ZNF831: variants seen among roughly 807,000 people sequenced by gnomAD.
The protein encoded by ZNF831 is chromosome 20 open reading frame 174.
A neutral mutation model predicts 95.8 loss-of-function variants in ZNF831; 59 were observed. That is an observed-to-expected ratio of 0.62 (90% CI 0.50 to 0.77). The LOEUF (loss-of-function observed/expected upper bound fraction) is 0.77, where lower values mean the gene tolerates loss of function less well. ZNF831 is among the 30% of genes least tolerant of loss of function. ZNF831 has a pLI of 0.00. For synonymous variants in ZNF831, 961 were observed against 925.5 expected (o/e 1.04, Z -0.70); for missense variants, 2,205 against 2,164.0 (o/e 1.02, Z -0.38).
At chr20:59,152,257 CA>C (rs1197398774) in intron 2 of ZNF831, among the ~76,000 whole-genome samples, 3 of 152,158 alleles carry the variant, frequency 2.0e-5, no homozygotes, top group Non-Finnish European at 4.4e-5. Context: ...CAATGTAAGA[CA>C]GGCATAAATT....
At chr20:59,173,180 A>G (rs988229047) in intron 1 of ZNF831, among the ~76,000 whole-genome samples, 1 of 152,180 alleles carries the variant, frequency 6.6e-6, no homozygotes, top group East Asian at 1.9e-4. Flanking sequence ...CAGTTTCTCT[A>G]GGTCCAACAA....
In ZNF831 at chr20:59,191,960, C is replaced by G. The variant is rs1261490865; in HGVS notation, c.941C>G (p.Ala314Gly). 2 of 1,607,396 alleles carry G rather than the reference C, an allele frequency of 1.2e-6. No individual in the cohort carries two copies. Among genetic ancestry groups the G allele is most frequent in the Non-Finnish European group, 1.7e-6 (2 of 1,177,640 alleles). Reference protein sequence around the residue: ...QKSPTAGKPCALQRQQATAAE... With the variant: ...QKSPTAGKPCGLQRQQATAAE... ...TCGCCGACCGCCGGGAAGCCGTGCG[C>G]CCTGCAGCGGCAGCAGGCGACGGCA... is the stretch of plus-strand genomic sequence containing the variant. Residue 314 changes from alanine to glycine, a missense_variant, in exon 2 of 6, where the codon GCC becomes GGC. Transcript: ENST00000371030.
intron 4 of ZNF831, among the ~76,000 whole-genome samples, chr20:59,222,398 G>A (rs1986141576): frequency 6.6e-6 from 1 of 152,112 alleles, no homozygotes; most frequent in South Asian, 2.1e-4. Context: ...GGATGCTTCT[G>A]GAAGAACACA....
chr20:59,150,730 C>A (rs1406544071), intron 2 of ZNF831, among the ~76,000 whole-genome samples: 1 of 152,206 alleles, frequency 6.6e-6, no homozygotes, highest in Admixed American at 6.5e-5. Context: ...GGGCAAGGAG[C>A]TCTCCTTGAG....
intron 2 of ZNF831, 157 bp from the exon 3 acceptor site, chr20:59,195,712 G>A (rs1254843822): frequency 1.0e-6 from 1 of 963,212 alleles, no homozygotes; most frequent in African/African-American, 1.8e-5. Context: ...GCCGTTGCCT[G>A]GTTGAACTTC....
chr20:59,148,692 A>C (rs1324230698), intron 2 of ZNF831, among the ~76,000 whole-genome samples: 1 of 50,110 alleles, frequency 2.0e-5, no homozygotes, highest in Non-Finnish European at 4.2e-5. Flanking sequence ...AAAAAAAAAA[A>C]AAAAAAAAAA....
In ZNF831 at chr20:59,207,020, T is replaced by C. The variant is rs1382267557; in HGVS notation, c.3991T>C (p.Cys1331Arg). 1.2e-6 allele frequency: 2 copies of C among 1,614,188 alleles called. No individual in the cohort carries two copies. Among genetic ancestry groups the C allele is most frequent in the Admixed American group, 1.7e-5 (1 of 60,018 alleles). Residue 1331 changes from cysteine to arginine, a missense_variant, in exon 4 of 6, where the codon TGC becomes CGC. Cys to Arg is a radical substitution (Grantham distance 180). Transcript: ENST00000371030. ...HPPALEGLKP[C>R]RTPGQTSSEI... ...TCCCGCACTTGAGGGACTGAAGCCA[T>C]GCAGGACCCCTGGGCAGACCTCTTC...
intron 4 of ZNF831, among the ~76,000 whole-genome samples, chr20:59,224,403 C>T (rs1568780768): frequency 6.6e-6 from 1 of 152,210 alleles, no homozygotes; most frequent in Non-Finnish European, 1.5e-5. Flanking sequence ...GGGGGGGCGC[C>T]TCTTCTGCCT....
At chr20:59,136,571 C>A (rs1979517002) in intron 1 of ZNF831, among the ~76,000 whole-genome samples, 1 of 152,134 alleles carries the variant, frequency 6.6e-6, no homozygotes, top group African/African-American at 2.4e-5. Context: ...TTTAAACCTG[C>A]CATGATCCTT....
intron 1 of ZNF831, among the ~76,000 whole-genome samples, chr20:59,145,959 A>G (rs1979837688): frequency 6.6e-6 from 1 of 152,162 alleles, no homozygotes; most frequent in Non-Finnish European, 1.5e-5. Flanking sequence ...TTCCATTTGT[A>G]CCGGATGGTT....
intron 3 of ZNF831, among the ~76,000 whole-genome samples, chr20:59,203,984 T>C (rs1156880978): frequency 1.3e-5 from 2 of 152,206 alleles, no homozygotes; most frequent in African/African-American, 4.8e-5. Context: ...TATAACTGTG[T>C]ACTGTGCTGT....
At chr20:59,125,526 C>T (rs967133851) in intron 1 of ZNF831, among the ~76,000 whole-genome samples, 4 of 152,224 alleles carry the variant, frequency 2.6e-5, no homozygotes, top group Non-Finnish European at 5.9e-5. Flanking sequence ...TGAGAAGCTC[C>T]GCCGATGGGT....
At chr20:59,204,403 C>G (rs1035265995) in intron 3 of ZNF831, among the ~76,000 whole-genome samples, 1 of 152,198 alleles carries the variant, frequency 6.6e-6, no homozygotes, top group Non-Finnish European at 1.5e-5. Context: ...GCATGTGACC[C>G]CCACCACATG....
At chr20:59,209,083 C>A (rs1601400779) in intron 4 of ZNF831, among the ~76,000 whole-genome samples, 1 of 152,140 alleles carries the variant, frequency 6.6e-6, no homozygotes, top group African/African-American at 2.4e-5. Context: ...ACTGTCCACC[C>A]CTTAGCTCAG....
intron 2 of ZNF831, among the ~76,000 whole-genome samples, chr20:59,195,356 C>T (rs1433600306): frequency 6.6e-6 from 1 of 152,202 alleles, no homozygotes. Flanking sequence ...CTTAGTCCTG[C>T]TCTGGAGTGG....
chr20:59,190,080 A>T (rs1358763669), intron 1 of ZNF831, among the ~76,000 whole-genome samples: 1 of 151,826 alleles, frequency 6.6e-6, no homozygotes, highest in Non-Finnish European at 1.5e-5. Context: ...TTGCCAAGCT[A>T]CTCCTCCTGG....
At position 59,190,965 on chromosome 20, in the gene ZNF831, G is replaced by C. The variant is rs983458434; in HGVS notation, c.-36-19G>C. 3 of 1,462,142 alleles carry C rather than the reference G, an allele frequency of 2.1e-6. No homozygotes were observed. Among genetic ancestry groups the C allele is most frequent in the Non-Finnish European group, 2.7e-6 (3 of 1,116,262 alleles). The allele number at this position is 1,462,142 out of a possible 1,614,324, so 90.6% of individuals were successfully genotyped here. Reference sequence around the variant, plus strand: ...AGAGAGGAGAGGTGCCCATGGTAAAGTTTGGTTGTTGTCTGCAGGTTTTCC... The same window carrying C: ...AGAGAGGAGAGGTGCCCATGGTAAACTTTGGTTGTTGTCTGCAGGTTTTCC... On this transcript the variant is annotated intron_variant, in intron 1 of 5. Coordinates refer to ENST00000371030, the MANE Select transcript of ZNF831 (RefSeq NM_178457.3).
intron 1 of ZNF831, among the ~76,000 whole-genome samples, chr20:59,135,635 G>T (rs1458520957): frequency 6.6e-6 from 1 of 152,100 alleles, no homozygotes; most frequent in Non-Finnish European, 1.5e-5. Flanking sequence ...GGAGGCTGAG[G>T]CAGGAGAATG....
At chr20:59,204,512 C>T (rs1222005740) in intron 3 of ZNF831, among the ~76,000 whole-genome samples, 1 of 152,140 alleles carries the variant, frequency 6.6e-6, no homozygotes, top group Admixed American at 6.5e-5. Context: ...ATCCACACCT[C>T]CACTGCTCTT....
Sources: gnomAD v4.1 joint callset for allele counts (sites outside exome capture counted in the v4.1 genomes callset) on GRCh38, gnomAD v4.1.1 for gene constraint, MANE v1.5 for transcripts, NCBI Gene and HGNC (gene_info 2026-07-23, HGNC 2026-07-21) for gene names.